Variants in FGGY observed in about 807,000 individuals in gnomAD.
FGGY encodes the protein FGGY carbohydrate kinase domain containing, also known as FGGY carbohydrate kinase domain-containing protein.
A neutral mutation model predicts 71.3 loss-of-function variants in FGGY; 72 were observed. The ratio of observed to expected loss-of-function variants is 1.01; its 90% confidence interval spans 0.84 to 1.23. The LOEUF is 1.23. FGGY is among the 50% of genes most tolerant of loss of function. The pLI is 0.00. For missense variants in FGGY, 668 were observed against 682.3 expected (o/e 0.98, Z 0.23); for synonymous variants, 251 against 250.3 (o/e 1.00, Z -0.02).
intron 8 of FGGY, among the ~76,000 whole-genome samples, chr1:59,606,713 C>T (rs1197027763): frequency 6.6e-6 from 1 of 152,190 alleles, no homozygotes; most frequent in Non-Finnish European, 1.5e-5. Flanking sequence ...TCAGGGAAAT[C>T]AGAATGACTT....
At chr1:59,625,827 C>A (rs1466292516) in intron 9 of FGGY, among the ~76,000 whole-genome samples, 161 bp from the exon 10 acceptor site, 1 of 152,144 alleles carries the variant, frequency 6.6e-6, no homozygotes, top group Non-Finnish European at 1.5e-5. Flanking sequence ...AGCTAAATTT[C>A]TTTTAGCTGA....
chr1:59,536,394 A>G (rs1252458318), intron 7 of FGGY, among the ~76,000 whole-genome samples: 2 of 152,250 alleles, frequency 1.3e-5, no homozygotes, highest in Admixed American at 1.3e-4. Context: ...GAATTCTACC[A>G]GAGGTACAAG....
At chr1:59,438,436 A>G (rs1322765836) in intron 5 of FGGY, among the ~76,000 whole-genome samples, 1 of 152,216 alleles carries the variant, frequency 6.6e-6, no homozygotes, top group Non-Finnish European at 1.5e-5. Context: ...ATGTTTAGGC[A>G]TATCATAGAT....
Position 59,301,917 on chromosome 1 carries a change from A to G in FGGY, c.-15+4767A>G, listed in dbSNP as rs565339792. Among the ~76,000 whole-genome samples, 174 of 147,868 alleles carry G rather than the reference A, an allele frequency of 1.2e-3. 1 individual carries two copies. Among genetic ancestry groups the G allele is most frequent in the African/African-American group, 4.1e-3 (167 of 40,376 alleles). ...TCTTTCTTTCTTTTTTTTTTTTTTA[A>G]GTAGAGATGGGGTTTCTCCATGTTG... is the stretch of plus-strand genomic sequence containing the variant. On this transcript the variant is annotated intron_variant, in intron 1 of 15. Coordinates refer to ENST00000303721, the MANE Select transcript of FGGY (RefSeq NM_018291.5).
chr1:59,469,164 T>C (rs1480107875), intron 6 of FGGY, among the ~76,000 whole-genome samples: 1 of 152,216 alleles, frequency 6.6e-6, no homozygotes, highest in Non-Finnish European at 1.5e-5. Context: ...GATTGATTCA[T>C]GAACTCAGAG....
chr1:59,507,356 G>T (rs1254434620), intron 6 of FGGY, among the ~76,000 whole-genome samples: 1 of 152,156 alleles, frequency 6.6e-6, no homozygotes, highest in Non-Finnish European at 1.5e-5. Context: ...AAACCTTTAG[G>T]CTGAAGTTAC....
intron 6 of FGGY, among the ~76,000 whole-genome samples, chr1:59,479,138 T>A (rs1238901081): frequency 6.6e-6 from 1 of 152,180 alleles, no homozygotes; most frequent in East Asian, 1.9e-4. Context: ...AGGATAAAAA[T>A]GAGGCATAAA....
chr1:59,559,818 A>AT (rs1201725682), intron 8 of FGGY, among the ~76,000 whole-genome samples: 9 of 152,250 alleles, frequency 5.9e-5, no homozygotes, highest in Non-Finnish European at 1.0e-4. Flanking sequence ...ATTATGAATT[A>AT]TAACTCAAAG....
At position 59,661,643 on chromosome 1, in the gene FGGY, TATAATA is replaced by T. The variant is rs1044747847; in HGVS notation, c.1296+1356_1296+1361del. 2.6e-5 allele frequency among the ~76,000 whole-genome samples: 4 copies of T among 152,332 alleles called. No homozygotes were observed. In the South Asian group the frequency reaches 8.3e-4, roughly 32 times the overall value. On this transcript the variant is annotated intron_variant, in intron 12 of 15. Transcript: ENST00000303721. Reference sequence around the variant, plus strand: ...AGATAATTATTTAGCTGTCCTGTTTTATAATAATAATGATGATTATGATGATAATAA... The same window carrying T: ...AGATAATTATTTAGCTGTCCTGTTTTATAATGATGATTATGATGATAATAA...
intron 6 of FGGY, among the ~76,000 whole-genome samples, chr1:59,458,032 C>G (rs368300842): frequency 7.2e-5 from 11 of 152,138 alleles, no homozygotes; most frequent in African/African-American, 2.7e-4. Context: ...CCTTGCCTAA[C>G]CTGGCATGGA....
At chr1:59,411,715 A>G (rs1424276934) in intron 5 of FGGY, among the ~76,000 whole-genome samples, 2 of 152,026 alleles carry the variant, frequency 1.3e-5, no homozygotes, top group Non-Finnish European at 2.9e-5. Flanking sequence ...TTCTTATTTT[A>G]TTGTCTGGAT....
intron 8 of FGGY, among the ~76,000 whole-genome samples, chr1:59,592,657 T>A (rs997366683): frequency 2.0e-5 from 3 of 151,876 alleles, no homozygotes; most frequent in African/African-American, 7.3e-5. Flanking sequence ...AAATTGGAAA[T>A]CATTATTCTC....
At chr1:59,311,702 T>C (rs2044366763) in intron 1 of FGGY, among the ~76,000 whole-genome samples, 1 of 152,228 alleles carries the variant, frequency 6.6e-6, no homozygotes, top group Admixed American at 6.5e-5. Context: ...GCAATAAACA[T>C]ATGTGTGCAT....
chr1:59,557,081 G>T (rs1247732533), intron 8 of FGGY, among the ~76,000 whole-genome samples: 1 of 152,072 alleles, frequency 6.6e-6, no homozygotes, highest in Non-Finnish European at 1.5e-5. Flanking sequence ...ATCTCCTCAG[G>T]TGCTGGGAAC....
At chr1:59,662,954 C>T (rs987077667) in intron 12 of FGGY, among the ~76,000 whole-genome samples, 3 of 152,176 alleles carry the variant, frequency 2.0e-5, no homozygotes, top group African/African-American at 7.2e-5. Context: ...GAATGAATAG[C>T]TTATATTGAA....
At chr1:59,414,450 C>T (rs2064059114) in intron 5 of FGGY, among the ~76,000 whole-genome samples, 1 of 152,116 alleles carries the variant, frequency 6.6e-6, no homozygotes, top group Non-Finnish European at 1.5e-5. Context: ...TTATCTTCTC[C>T]CTCTGGAAGC....
intron 3 of FGGY, among the ~76,000 whole-genome samples, chr1:59,341,114 G>C (rs964365882): frequency 6.6e-6 from 1 of 152,182 alleles, no homozygotes; most frequent in Non-Finnish European, 1.5e-5. Context: ...AGAGTTAGGC[G>C]GGGACTCTGA....
chr1:59,698,325 T>C (rs2097680059), intron 14 of FGGY, among the ~76,000 whole-genome samples: 1 of 152,174 alleles, frequency 6.6e-6, no homozygotes, highest in African/African-American at 2.4e-5. Context: ...CTTTACTTCA[T>C]ACTTTTCTAT....
At chr1:59,444,288 T>C (rs1298934629) in intron 5 of FGGY, among the ~76,000 whole-genome samples, 1 of 152,204 alleles carries the variant, frequency 6.6e-6, no homozygotes, top group African/African-American at 2.4e-5. Flanking sequence ...TTATTTTTAA[T>C]TGACAGATAA....
Sources: allele counts gnomAD v4.1 joint callset (sites outside exome capture counted in the v4.1 genomes callset), GRCh38; gene constraint gnomAD v4.1.1; transcripts MANE v1.5; gene names NCBI Gene and HGNC (gene_info 2026-07-23, HGNC 2026-07-21).